RALGPS1: variants seen among roughly 807,000 people sequenced by gnomAD.
RALGPS1 encodes Ral GEF with PH domain and SH3 binding motif 1, also known as ras-specific guanine nucleotide-releasing factor RalGPS1.
In RALGPS1, 19 loss-of-function variants were observed where a neutral mutation model predicts 78.8. The ratio of observed to expected loss-of-function variants is 0.24; its 90% CI spans 0.17 to 0.35. The LOEUF is 0.35. Ranked by LOEUF, RALGPS1 falls within the 10% of genes least tolerant of loss-of-function variation. The pLI is 1.00. For synonymous variants in RALGPS1, 228 were observed against 256.3 expected, an observed-to-expected ratio of 0.89 and a Z score of 1.06; for missense variants, 454 against 688.3, an observed-to-expected ratio of 0.66 and a Z score of 3.81.
intron 8 of RALGPS1, among the ~76,000 whole-genome samples, chr9:127,146,004 T>C (rs2058071500): frequency 6.6e-6 from 1 of 152,252 alleles, no homozygotes. Flanking sequence ...AGGAATCGTA[T>C]TGGTTTTGTT....
intron 4 of RALGPS1, among the ~76,000 whole-genome samples, chr9:127,003,859 ACT>A (rs1045076670): frequency 6.6e-6 from 1 of 151,846 alleles, no homozygotes; most frequent in Non-Finnish European, 1.5e-5. Context: ...TCCTGTTGGC[ACT>A]CTGTGAGAGT....
intron 18 of RALGPS1, chr9:127,217,594 A>C: frequency 7.2e-6 from 2 of 276,106 alleles, no homozygotes; most frequent in Non-Finnish European, 1.1e-5. Flanking sequence ...TATTGCCACC[A>C]TGAGCCTAAC....
rs34617474 is a variant in RALGPS1 at position 127,211,299 on chromosome 9, G to A, written c.1248-832G>A. ...AGGAGAGGAGAGGGGGAGGGTGGAGGCACTGGCCGGTGTGGACCCAGGAAG... is the reference window on the plus strand; with the variant it reads ...AGGAGAGGAGAGGGGGAGGGTGGAGACACTGGCCGGTGTGGACCCAGGAAG... On this transcript the variant is annotated intron_variant, in intron 14 of 18. Coordinates refer to ENST00000259351, the MANE Select transcript of RALGPS1 (RefSeq NM_014636.3). The surrounding 1 kb of genome is among the most constrained non-coding windows in gnomAD (Gnocchi z 5.0). 0.049 allele frequency among the ~76,000 whole-genome samples: 7,482 copies of A among 152,206 alleles called. 265 individuals carry two copies. The highest frequency in any genetic ancestry group is 0.11 in the Middle Eastern group (32 of 294).
chr9:126,983,094 G>C (rs995902492), intron 4 of RALGPS1, among the ~76,000 whole-genome samples: 5 of 151,222 alleles, frequency 3.3e-5, no homozygotes, highest in Non-Finnish European at 7.4e-5. Context: ...CTGATACCAC[G>C]ACCGGCTAAT....
chr9:126,943,628 T>C (rs1436019116), intron 1 of RALGPS1, among the ~76,000 whole-genome samples: 1 of 152,228 alleles, frequency 6.6e-6, no homozygotes, highest in Non-Finnish European at 1.5e-5. Flanking sequence ...GAATGTGGGC[T>C]GACCCTGAAG....
chr9:126,933,806 C>A (rs532656736), intron 1 of RALGPS1, among the ~76,000 whole-genome samples: 2 of 152,230 alleles, frequency 1.3e-5, no homozygotes, highest in East Asian at 3.9e-4. Flanking sequence ...ACAATGCTTG[C>A]GTGTGCCTGC....
rs1250105924 is a variant in RALGPS1, at chr9:127,219,577, G to C, written c.*808G>C. On this transcript the variant is annotated 3_prime_UTR_variant, in exon 19 of 19. Coordinates refer to ENST00000259351, the MANE Select transcript of RALGPS1 (RefSeq NM_014636.3). This position sits in a 1 kb window ranked among gnomAD's most constrained non-coding sequence, Gnocchi z 5.0. ...GACAGGACCTGGCTTCAGGACTGTG[G>C]ACTGGGCTGCTGGCCTGCTTGCTTC... 1 of 152,714 alleles carries C rather than the reference G, an allele frequency of 6.5e-6. No homozygotes were observed. The highest frequency in any genetic ancestry group is 1.5e-5 in the Non-Finnish European group (1 of 68,114). 9.5% of individuals were successfully genotyped at this position (152,714 alleles called of 1,614,324 possible).
rs71377987 is a variant in RALGPS1 at position 127,046,672 on chromosome 9, CAA to C, written c.301-3351_301-3350del. On this transcript the variant is annotated intron_variant, in intron 5 of 18. Transcript: ENST00000259351. ...GTGACATAGTGAGACCCCATCCATA[CAA>C]AAAAAAAAAAAAAAAAAAAGCCAGG... is the stretch of plus-strand genomic sequence containing the variant. Among the ~76,000 whole-genome samples, 86 of 40,456 alleles carry C rather than the reference CAA, an allele frequency of 2.1e-3. 1 individual carries two copies. The highest frequency in any genetic ancestry group is 6.5e-3 in the African/African-American group (75 of 11,522). The allele number at this position is 40,456 out of a possible 152,430, so 26.5% of individuals were successfully genotyped here.
intron 8 of RALGPS1, among the ~76,000 whole-genome samples, chr9:127,143,152 G>A (rs893660526): frequency 1.3e-5 from 2 of 152,144 alleles, no homozygotes; most frequent in Admixed American, 1.3e-4. Flanking sequence ...AGATTTCCCT[G>A]CAATAAATAC....
Position 126,914,827 on chromosome 9 carries a change from G to C in RALGPS1, c.-214G>C, listed in dbSNP as rs1484252759. 1 of 152,242 alleles carries C rather than the reference G, an allele frequency of 6.6e-6. No individual in the cohort carries two copies. The highest frequency in any genetic ancestry group is 1.5e-5 in the Non-Finnish European group (1 of 68,084). The allele number at this position is 152,242 out of a possible 1,614,324, so 9.4% of individuals were successfully genotyped here. A position where few individuals can be genotyped will look rare whatever the true frequency, so the allele number is the denominator to read the frequency against. On this transcript the variant is annotated 5_prime_UTR_variant, in exon 1 of 19. Coordinates refer to ENST00000259351, the MANE Select transcript of RALGPS1 (RefSeq NM_014636.3). ...CCTACTGCGGCTGGGCACCGGCTCC[G>C]CTCCCGCGTCTGCCCGCGCTCCAGC...
chr9:127,184,384 G>A, intron 11 of RALGPS1: 1 of 297,856 alleles, frequency 3.4e-6, no homozygotes, highest in Non-Finnish European at 6.5e-6. Flanking sequence ...GCTCTTGGCT[G>A]ACAGCGAGAA....
At chr9:127,194,415 GAC>G (rs2061242845) in intron 11 of RALGPS1, among the ~76,000 whole-genome samples, 1 of 152,172 alleles carries the variant, frequency 6.6e-6, no homozygotes, top group African/African-American at 2.4e-5. Context: ...GGTGTTAGAA[GAC>G]ACACTTTTTT....
chr9:126,960,080 T>C (rs1480565683), intron 1 of RALGPS1, among the ~76,000 whole-genome samples: 2 of 152,126 alleles, frequency 1.3e-5, no homozygotes, highest in Admixed American at 6.5e-5. Context: ...TTGTCAGCAC[T>C]GGAGATGTAC....
intron 8 of RALGPS1, among the ~76,000 whole-genome samples, chr9:127,137,321 G>T (rs1035552490): frequency 6.6e-6 from 1 of 152,164 alleles, no homozygotes; most frequent in Non-Finnish European, 1.5e-5. Context: ...GGATTGTTTG[G>T]TTTTTCTGAA....
At chr9:127,134,865 A>C (rs760327213) in intron 8 of RALGPS1, among the ~76,000 whole-genome samples, 35 of 152,336 alleles carry the variant, frequency 2.3e-4, no homozygotes, top group Non-Finnish European at 4.1e-4. Flanking sequence ...GTAAAACCAA[A>C]GTAATGGTTC....
chr9:127,126,747 TTCTA>T (rs1479610175), intron 8 of RALGPS1, among the ~76,000 whole-genome samples: 1 of 152,270 alleles, frequency 6.6e-6, no homozygotes, highest in Non-Finnish European at 1.5e-5. Context: ...CACTGATTCA[TTCTA>T]TCTTTCATGT....
chr9:127,133,152 C>A (rs553448260), intron 8 of RALGPS1, among the ~76,000 whole-genome samples: 1 of 152,254 alleles, frequency 6.6e-6, no homozygotes, highest in Non-Finnish European at 1.5e-5. Flanking sequence ...CACAGAGGGG[C>A]AGGGAAGGAG....
At chr9:126,972,928 G>T (rs2040257678) in intron 3 of RALGPS1, among the ~76,000 whole-genome samples, 1 of 152,156 alleles carries the variant, frequency 6.6e-6, no homozygotes, top group Non-Finnish European at 1.5e-5. Context: ...CAGGCATGGT[G>T]GCGCACACGT....
intron 4 of RALGPS1, among the ~76,000 whole-genome samples, chr9:126,990,644 A>C (rs932110723): frequency 2.6e-5 from 4 of 152,378 alleles, no homozygotes; most frequent in Non-Finnish European, 2.9e-5. Context: ...GATGATGAGC[A>C]GTCAGAGCTC....
Sources: gnomAD v4.1 joint callset for allele counts (sites outside exome capture counted in the v4.1 genomes callset) on GRCh38, gnomAD v4.1.1 for gene constraint, Gnocchi (gnomAD v3.1) non-coding constraint, MANE v1.5 for transcripts, NCBI Gene and HGNC (gene_info 2026-07-23, HGNC 2026-07-21) for gene names.